Variants in PRKCB observed in about 807,000 individuals in gnomAD.
PRKCB encodes protein kinase C beta.
Under a neutral mutation model 81.5 loss-of-function variants are expected in PRKCB, and 13 were observed. That is an observed-to-expected ratio of 0.16 (90% CI 0.10 to 0.25). The LOEUF (loss-of-function observed/expected upper bound fraction) is 0.25. PRKCB is among the 10% of genes least tolerant of loss of function. PRKCB has a pLI of 1.00. For synonymous variants in PRKCB, 335 were observed against 321.4 expected (o/e 1.04, Z -0.45); for missense variants, 509 against 875.7 (o/e 0.58, Z 5.29).
intron 2 of PRKCB, among the ~76,000 whole-genome samples, chr16:23,867,160 C>CT (rs1962821712): frequency 6.6e-6 from 1 of 151,708 alleles, no homozygotes; most frequent in Non-Finnish European, 1.5e-5. Flanking sequence ...GAGTCTCACT[C>CT]TGTCGCCCAG....
At chr16:24,010,607 A>T (rs542337191) in intron 3 of PRKCB, among the ~76,000 whole-genome samples, 18 of 152,314 alleles carry the variant, frequency 1.2e-4, no homozygotes, top group Middle Eastern at 3.4e-3. Flanking sequence ...TCTGAGCTCT[A>T]AATTGGCTGG....
intron 2 of PRKCB, among the ~76,000 whole-genome samples, chr16:23,859,965 T>C (rs971025492): frequency 6.6e-6 from 1 of 150,858 alleles, no homozygotes; most frequent in Non-Finnish European, 1.5e-5. Context: ...CAGGTGAAAA[T>C]GAGAAGTGAT....
intron 9 of PRKCB, among the ~76,000 whole-genome samples, chr16:24,137,394 G>T (rs866187316): frequency 2.4e-4 from 36 of 152,080 alleles, no homozygotes; most frequent in African/African-American, 8.7e-4. Flanking sequence ...TCATTATGTA[G>T]ACCAGGCTGG....
chr16:23,961,896 G>A (rs1232763073), intron 2 of PRKCB, among the ~76,000 whole-genome samples: 2 of 152,056 alleles, frequency 1.3e-5, no homozygotes, highest in African/African-American at 2.4e-5. Context: ...TCCCAGGCTG[G>A]GTCACATAAT....
At chr16:24,211,552 A>G (rs111564147) in intron 16 of PRKCB, among the ~76,000 whole-genome samples, 7,805 of 144,632 alleles carry the variant, frequency 0.054, 308 homozygotes, top group East Asian at 0.18. Flanking sequence ...CAGTCTACAG[A>G]CTCACTTTTT....
intron 2 of PRKCB, among the ~76,000 whole-genome samples, chr16:23,921,395 A>G (rs1410687979): frequency 1.3e-5 from 2 of 152,194 alleles, no homozygotes; most frequent in South Asian, 4.1e-4. Flanking sequence ...GTTGCCATTA[A>G]GGTATTGGGG....
chr16:24,155,498 C>T (rs530926042), intron 10 of PRKCB, among the ~76,000 whole-genome samples: 1 of 152,316 alleles, frequency 6.6e-6, no homozygotes, highest in African/African-American at 2.4e-5. Context: ...ACCTTGGTTT[C>T]CATACCCAGG....
At chr16:24,111,807 A>T (rs1966679695) in intron 7 of PRKCB, among the ~76,000 whole-genome samples, 1 of 152,150 alleles carries the variant, frequency 6.6e-6, no homozygotes. Flanking sequence ...CTAAAATAAT[A>T]ATAATGACAT....
intron 10 of PRKCB, among the ~76,000 whole-genome samples, chr16:24,155,298 C>T (rs562914472): frequency 9.7e-4 from 147 of 152,230 alleles, no homozygotes; most frequent in Admixed American, 3.7e-3. Context: ...ACACAGCCCT[C>T]GAGGACTCTC....
chr16:23,949,691 G>T (rs1964250703), intron 2 of PRKCB, among the ~76,000 whole-genome samples: 1 of 152,220 alleles, frequency 6.6e-6, no homozygotes, highest in Non-Finnish European at 1.5e-5. Flanking sequence ...AGCTGTCATA[G>T]AGTTTCCAAT....
intron 2 of PRKCB, among the ~76,000 whole-genome samples, chr16:23,846,374 C>A (rs1962368043): frequency 6.6e-6 from 1 of 151,906 alleles, no homozygotes; most frequent in Admixed American, 6.6e-5. Context: ...CTTTGGGAGG[C>A]TGAGGTGGGT....
intron 2 of PRKCB, among the ~76,000 whole-genome samples, chr16:23,876,313 G>T (rs1963013463): frequency 6.6e-6 from 1 of 152,174 alleles, no homozygotes; most frequent in Admixed American, 6.5e-5. Flanking sequence ...TGTGGCTGTG[G>T]AAGTTTAACT....
chr16:23,858,162 A>G (rs1223364857), intron 2 of PRKCB, among the ~76,000 whole-genome samples: 2 of 152,254 alleles, frequency 1.3e-5, no homozygotes, highest in African/African-American at 4.8e-5. Context: ...GCATTTTCAC[A>G]AACTTTATCC....
chr16:23,902,330 T>C (rs1443832514), intron 2 of PRKCB, among the ~76,000 whole-genome samples: 1 of 152,188 alleles, frequency 6.6e-6, no homozygotes, highest in Non-Finnish European at 1.5e-5. Flanking sequence ...TGCAAAACAT[T>C]TACAGAGAGT....
rs1399095698 is a variant in PRKCB at position 24,160,517 on chromosome 16, G to A, written c.1239+5660G>A. Reference sequence around the variant, plus strand: ...AAGGGCATTACTGCCTGTATACAGAGGGTATTACTGCCTGTATGCTGCCTG... The same window carrying A: ...AAGGGCATTACTGCCTGTATACAGAAGGTATTACTGCCTGTATGCTGCCTG... On this transcript the variant is annotated intron_variant, in intron 10 of 16. Coordinates refer to ENST00000643927, the MANE Select transcript of PRKCB (RefSeq NM_002738.7). Among the ~76,000 whole-genome samples, 4 of 151,314 alleles carry A rather than the reference G, an allele frequency of 2.6e-5. No individual in the cohort carries two copies. In the East Asian group the frequency reaches 7.7e-4, roughly 29 times the overall value.
intron 3 of PRKCB, among the ~76,000 whole-genome samples, chr16:24,029,928 T>G (rs550997777): frequency 2.6e-5 from 4 of 152,296 alleles, no homozygotes; most frequent in African/African-American, 9.6e-5. Flanking sequence ...AGAGAGGGTC[T>G]TGCTCTCTTG....
chr16:23,907,075 G>A (rs956597518), intron 2 of PRKCB, among the ~76,000 whole-genome samples: 2 of 152,120 alleles, frequency 1.3e-5, no homozygotes, highest in African/African-American at 2.4e-5. Context: ...TATTGACATT[G>A]GGGGGTGGAA....
At chr16:24,105,376 A>T (rs9746011) in intron 7 of PRKCB, among the ~76,000 whole-genome samples, 38,853 of 150,434 alleles carry the variant, frequency 0.26, 7,259 homozygotes, top group African/African-American at 0.54. Flanking sequence ...TTTTTTTTTT[A>T]AAATTTTACT....
At chr16:24,207,502 T>C (rs1271836536) in intron 16 of PRKCB, among the ~76,000 whole-genome samples, 1 of 152,230 alleles carries the variant, frequency 6.6e-6, no homozygotes, top group East Asian at 1.9e-4. Flanking sequence ...GTGTATATAA[T>C]TTATAGAATG....
Sources: gnomAD v4.1 joint callset for allele counts (sites outside exome capture counted in the v4.1 genomes callset) on GRCh38, gnomAD v4.1.1 for gene constraint, MANE v1.5 for transcripts, NCBI Gene and HGNC (gene_info 2026-07-23, HGNC 2026-07-21) for gene names.